Variants in OR8D4 observed in about 807,000 individuals in gnomAD.
OR8D4 encodes the protein olfactory receptor 8D4.
For missense variants in OR8D4, 359 were observed against 372.6 expected (o/e 0.96, Z 0.30); for synonymous variants, 141 against 134.8 (o/e 1.05, Z -0.32).
intron 1 of OR8D4, among the ~76,000 whole-genome samples, chr11:123,904,891 A>G (rs1227420842): frequency 6.6e-6 from 1 of 152,190 alleles, no homozygotes; most frequent in Non-Finnish European, 1.5e-5. Flanking sequence ...ATGCAACCCT[A>G]GACAATTGAG....
intron 1 of OR8D4, among the ~76,000 whole-genome samples, chr11:123,905,923 T>C (rs1266887534): frequency 6.6e-6 from 1 of 152,206 alleles, no homozygotes; most frequent in Non-Finnish European, 1.5e-5. Context: ...GTGTTATCAG[T>C]ACTGCACAAA....
At position 123,904,003 on chromosome 11, in the gene OR8D4, C is replaced by T. The variant is rs572829155; in HGVS notation, c.-16+1746C>T. On this transcript the variant is annotated intron_variant, in intron 1 of 1. Coordinates refer to ENST00000641687, the MANE Select transcript of OR8D4 (RefSeq NM_001005197.2). ...AGAAAGAAGATCGATGACTTCAGCT[C>T]TAGGAGAAAATAACTGAAAATAGCG... is the stretch of plus-strand genomic sequence containing the variant. Among the ~76,000 whole-genome samples the T allele has an allele frequency of 9.9e-4, 151 of 152,206 alleles. 1 individual carries two copies. Among genetic ancestry groups the T allele is most frequent in the African/African-American group, 3.4e-3 (141 of 41,544 alleles).
Position 123,907,267 on chromosome 11 carries a change from C to A in OR8D4, c.836C>A (p.Thr279Asn). The A allele has an allele frequency of 1.2e-6, 2 of 1,608,010 alleles. No individual in the cohort carries two copies. Among genetic ancestry groups the A allele is most frequent in the African/African-American group, 1.3e-5 (1 of 74,896 alleles). The change falls in exon 2 of 2, where the codon ACC becomes AAC. Residue 279 changes from threonine to asparagine, a missense_variant. Thr to Asn is a moderately conservative substitution (Grantham distance 65). Coordinates refer to ENST00000641687, the MANE Select transcript of OR8D4 (RefSeq NM_001005197.2). The part of the protein sequence containing the change: ...TQEKVSSVFY[T>N]TVILMLNPLI... ...GAGAAAGTATCCTCAGTATTTTATACCACTGTGATTCTCATGTTGAATCCC... is the reference window on the plus strand; with the variant it reads ...GAGAAAGTATCCTCAGTATTTTATAACACTGTGATTCTCATGTTGAATCCC...
intron 1 of OR8D4, chr11:123,906,183 A>G: frequency 4.9e-6 from 2 of 410,632 alleles, no homozygotes; most frequent in Non-Finnish European, 8.6e-6. Flanking sequence ...CTGGAGTAAA[A>G]GGTTCTGTCG....
Position 123,903,523 on chromosome 11 carries a change from C to A in OR8D4, c.-16+1266C>A, listed in dbSNP as rs528463356. ...AGATGCATTGAAATGTTTAAAAACA[C>A]TTTTCTTATGATTTTAAATTGCTAA... is the stretch of plus-strand genomic sequence containing the variant. On this transcript the variant is annotated intron_variant, in intron 1 of 1. Coordinates refer to ENST00000641687, the MANE Select transcript of OR8D4 (RefSeq NM_001005197.2). 2.0e-5 allele frequency among the ~76,000 whole-genome samples: 3 copies of A among 152,180 alleles called. No individual in the cohort carries two copies. In the South Asian group the frequency reaches 6.2e-4, roughly 32 times the overall value.
chr11:123,904,112 C>T (rs1230411635), intron 1 of OR8D4, among the ~76,000 whole-genome samples: 1 of 152,096 alleles, frequency 6.6e-6, no homozygotes, highest in Admixed American at 6.6e-5. Context: ...GAGGTAGGGC[C>T]TGAGACTGTG....
rs1174177116 is a variant in OR8D4, at chr11:123,908,703, T to G, written c.*1327T>G. The G allele has an allele frequency of 6.6e-6, 1 of 152,194 alleles. No homozygotes were observed. Among genetic ancestry groups the G allele is most frequent in the Non-Finnish European group, 1.5e-5 (1 of 68,038 alleles). The allele number at this position is 152,194 out of a possible 1,614,324, so 9.4% of individuals were successfully genotyped here. A position where few individuals can be genotyped will look rare whatever the true frequency, so the allele number is the denominator to read the frequency against. ...TAATTTTCAGTGGTTCAAATTCTAC[T>G]CTCAATAGAGCTCTTTGAAGAAAGG... On this transcript the variant is annotated 3_prime_UTR_variant, in exon 2 of 2. Transcript: ENST00000641687.
rs765841576 is a variant in OR8D4 at position 123,906,508 on chromosome 11, C to T, written c.77C>T (p.Pro26Leu). ...ACTGAACAAGCAGAGCTTCAGCTGC[C>T]CCTCTTCTGCCTCTTCTTAGGAATT... ...GLTEQAELQLPLFCLFLGIYT... is the reference protein window; with the variant it reads ...GLTEQAELQLLLFCLFLGIYT... Residue 26 changes from proline to leucine, a missense_variant, in exon 2 of 2, where the codon CCC becomes CTC. Pro to Leu is a moderately conservative substitution (Grantham distance 98). Coordinates refer to ENST00000641687, the MANE Select transcript of OR8D4 (RefSeq NM_001005197.2). 1 of 1,613,850 alleles carries T rather than the reference C, an allele frequency of 6.2e-7. No homozygotes were observed. Among genetic ancestry groups the T allele is most frequent in the Non-Finnish European group, 8.5e-7 (1 of 1,179,836 alleles).
In OR8D4 at chr11:123,907,489, G is replaced by GTAATC. The variant is rs1863215109; in HGVS notation, c.*114_*118dup. The GTAATC allele has an allele frequency of 3.7e-6, 2 of 547,274 alleles. No individual in the cohort carries two copies. The highest frequency in any genetic ancestry group is 6.3e-6 in the Non-Finnish European group (2 of 316,492). 33.9% of individuals were successfully genotyped at this position (547,274 alleles called of 1,614,324 possible). A position where few individuals can be genotyped will look rare whatever the true frequency, so the allele number is the denominator to read the frequency against. On this transcript the variant is annotated 3_prime_UTR_variant, in exon 2 of 2. Coordinates refer to ENST00000641687, the MANE Select transcript of OR8D4 (RefSeq NM_001005197.2). Reference sequence around the variant, plus strand: ...GGTCCAGGTACGGTGACTTACGCCTGTAATCCCAGCACTTTGGGAGGCCGA... The same window carrying GTAATC: ...GGTCCAGGTACGGTGACTTACGCCTGTAATCTAATCCCAGCACTTTGGGAGGCCGA...
chr11:123,904,897 T>C (rs532347443), intron 1 of OR8D4, among the ~76,000 whole-genome samples: 11 of 152,234 alleles, frequency 7.2e-5, no homozygotes, highest in African/African-American at 1.2e-4. Context: ...CCCTAGACAA[T>C]TGAGCCATTT....
At chr11:123,903,254 C>T (rs1863175523) in intron 1 of OR8D4, among the ~76,000 whole-genome samples, 1 of 152,034 alleles carries the variant, frequency 6.6e-6, no homozygotes, top group East Asian at 1.9e-4. Flanking sequence ...CTTGAGCATT[C>T]AGGGATTTTG....
intron 1 of OR8D4, among the ~76,000 whole-genome samples, chr11:123,903,762 A>G (rs1357160210): frequency 2.0e-5 from 3 of 152,186 alleles, no homozygotes; most frequent in Non-Finnish European, 4.4e-5. Context: ...ACAGAATACA[A>G]TTTGTTGCAA....
Position 123,906,704 on chromosome 11 carries a change from C to T in OR8D4, c.273C>T (p.Ser91=), listed in dbSNP as rs150083489. 2.2e-5 allele frequency: 35 copies of T among 1,613,612 alleles called. No individual in the cohort carries two copies. The highest frequency in any genetic ancestry group is 2.6e-5 in the Non-Finnish European group (31 of 1,179,676). ...MLSGFLCRDR[S]ISYSGCMIQL... ...CAGGGTTTTTATGCAGAGATAGATC[C>T]ATCTCCTATTCTGGATGCATGATTC... Residue 91 remains serine, a synonymous_variant, in exon 2 of 2, where the codon TCC becomes TCT. Coordinates refer to ENST00000641687, the MANE Select transcript of OR8D4 (RefSeq NM_001005197.2).
At chr11:123,904,080 T>C (rs1221783237) in intron 1 of OR8D4, among the ~76,000 whole-genome samples, 5 of 152,120 alleles carry the variant, frequency 3.3e-5, no homozygotes, top group African/African-American at 7.2e-5. Flanking sequence ...CACTAAAATG[T>C]AGATCCTCAC....
chr11:123,904,475 T>C (rs549137927), intron 1 of OR8D4, among the ~76,000 whole-genome samples: 1 of 152,190 alleles, frequency 6.6e-6, no homozygotes, highest in Non-Finnish European at 1.5e-5. Flanking sequence ...TTTTTGAACA[T>C]TACTTCGATA....
chr11:123,907,268 C>T lies in OR8D4; in HGVS notation c.837C>T (p.Thr279=). The part of the protein sequence containing the change: ...TQEKVSSVFY[T]TVILMLNPLI... Reference sequence around the variant, plus strand: ...AGAAAGTATCCTCAGTATTTTATACCACTGTGATTCTCATGTTGAATCCCT... The same window carrying T: ...AGAAAGTATCCTCAGTATTTTATACTACTGTGATTCTCATGTTGAATCCCT... The change falls in exon 2 of 2, where the codon ACC becomes ACT. Residue 279 remains threonine, a synonymous_variant. Transcript: ENST00000641687. 1.9e-6 allele frequency: 3 copies of T among 1,606,660 alleles called. No individual in the cohort carries two copies. Among genetic ancestry groups the T allele is most frequent in the Non-Finnish European group, 2.6e-6 (3 of 1,173,418 alleles).
Position 123,908,592 on chromosome 11 carries a change from G to C in OR8D4, c.*1216G>C, listed in dbSNP as rs1026816738. The C allele has an allele frequency of 2.0e-5, 3 of 152,002 alleles. No homozygotes were observed. Among genetic ancestry groups the C allele is most frequent in the Non-Finnish European group, 2.9e-5 (2 of 68,000 alleles). The allele number at this position is 152,002 out of a possible 1,614,324, so 9.4% of individuals were successfully genotyped here. A position where few individuals can be genotyped will look rare whatever the true frequency, so the allele number is the denominator to read the frequency against. ...AGACAAGGTATCTCTTTACTTTTAG[G>C]GGGTGAAAAAGATGATAGATAATAC... On this transcript the variant is annotated 3_prime_UTR_variant, in exon 2 of 2. Transcript: ENST00000641687.
Position 123,907,275 on chromosome 11 carries a change from A to G in OR8D4, c.844A>G (p.Ile282Val), listed in dbSNP as rs1307155706. ...KVSSVFYTTV[I>V]LMLNPLIYSL... ...ATCCTCAGTATTTTATACCACTGTG[A>G]TTCTCATGTTGAATCCCTTGATATA... Residue 282 changes from isoleucine to valine, a missense_variant, in exon 2 of 2, where the codon ATT (isoleucine) becomes GTT (valine). Physicochemically the swap from Ile to Val is conservative, Grantham distance 29. Transcript: ENST00000641687. 2.5e-6 allele frequency: 4 copies of G among 1,608,170 alleles called. No homozygotes were observed. Among genetic ancestry groups the G allele is most frequent in the African/African-American group, 2.7e-5 (2 of 74,790 alleles).
rs1315563889 is a variant in OR8D4 at position 123,907,915 on chromosome 11, GAAC to G, written c.*545_*547del. Reference sequence around the variant, plus strand: ...TAAAGTTAATACCTTTGCTGGGATTGAACAACAATTTTTATCTTTAGTTTCCTG... The same window carrying G: ...TAAAGTTAATACCTTTGCTGGGATTGAACAATTTTTATCTTTAGTTTCCTG... On this transcript the variant is annotated 3_prime_UTR_variant, in exon 2 of 2. Transcript: ENST00000641687. 6.6e-6 allele frequency: 1 copy of G among 151,978 alleles called. No homozygotes were observed. The highest frequency in any genetic ancestry group is 1.5e-5 in the Non-Finnish European group (1 of 68,000). The allele number at this position is 151,978 out of a possible 1,614,324, so 9.4% of individuals were successfully genotyped here.
Sources: gnomAD v4.1 joint callset for allele counts (sites outside exome capture counted in the v4.1 genomes callset) on GRCh38, gnomAD v4.1.1 for gene constraint, MANE v1.5 for transcripts, NCBI Gene and HGNC (gene_info 2026-07-23, HGNC 2026-07-21) for gene names.